CAPN11: variants seen among roughly 807,000 people sequenced by gnomAD.
CAPN11 encodes calpain-11.
CAPN11 carries 108 observed loss-of-function variants against 105.3 expected under a neutral mutation model. The ratio of observed to expected loss-of-function variants is 1.03; its 90% CI spans 0.88 to 1.20. CAPN11 has a LOEUF of 1.20. CAPN11 is among the 50% of genes most tolerant of loss of function. CAPN11 has a pLI of 0.00. For missense variants in CAPN11, 883 were observed against 924.8 expected (o/e 0.95, Z 0.59); for synonymous variants, 329 against 344.5 (o/e 0.96, Z 0.50).
In CAPN11 at chr6:44,169,489, C is replaced by A. The variant is rs1383437683; in HGVS notation, c.297C>A (p.Pro99=). 8 of 1,604,238 alleles carry A rather than the reference C, an allele frequency of 5.0e-6. No homozygotes were observed. Among genetic ancestry groups the A allele is most frequent in the Non-Finnish European group, 6.8e-6 (8 of 1,175,764 alleles). Residue 99 remains proline (P), a synonymous_variant, in exon 3 of 23, where the codon CCC becomes CCA. Transcript: ENST00000398776. ...PSSLGFKDLG[P]NSKNVQNISW... is the part of the protein sequence containing the mutation. Reference sequence around the variant, plus strand: ...CACTGGGCTTCAAGGACCTGGGCCCCAACTCCAAAAATGTGCAGAACATCT... The same window carrying A: ...CACTGGGCTTCAAGGACCTGGGCCCAAACTCCAAAAATGTGCAGAACATCT...
rs757937446 is a variant in CAPN11, at chr6:44,172,344, G to T, written c.452G>T (p.Cys151Phe). The T allele has an allele frequency of 1.3e-6, 2 of 1,560,866 alleles. No individual in the cohort carries two copies. Among genetic ancestry groups the T allele is most frequent in the Non-Finnish European group, 1.7e-6 (2 of 1,152,886 alleles). Residue 151 changes from cysteine (C) to phenylalanine (F), a missense_variant, in exon 5 of 23, where the codon TGC (cysteine) becomes TTC (phenylalanine). Physicochemically the swap from Cys to Phe is radical, Grantham distance 205. Transcript: ENST00000398776. ...LLAAIGSLTT[C>F]PKLLYRVVPR... ...GCTGCCATCGGCTCCCTTACCACCT[G>T]CCCCAAACTGCTATACCGCGTGGTG...
intron 19 of CAPN11, 60 bp from the exon 20 acceptor site, chr6:44,182,881 T>G: frequency 7.7e-7 from 1 of 1,303,150 alleles, no homozygotes; most frequent in South Asian, 1.2e-5. Flanking sequence ...GCCTCAGTAT[T>G]TCATTATTTC....
chr6:44,181,074 G>A, intron 18 of CAPN11, 77 bp downstream of exon 18: 1 of 1,352,888 alleles, frequency 7.4e-7, no homozygotes, highest in Non-Finnish European at 1.1e-6. Flanking sequence ...CCCTGGGCCA[G>A]CCACGTCCTC....
chr6:44,172,322 G>C lies in CAPN11; in HGVS notation c.430G>C (p.Ala144Pro). 1.3e-6 allele frequency: 2 copies of C among 1,556,672 alleles called. No homozygotes were observed. Among genetic ancestry groups the C allele is most frequent in the Non-Finnish European group, 1.7e-6 (2 of 1,150,332 alleles). ...GILGDCWLLA[A>P]IGSLTTCPKL... is the part of the protein sequence containing the mutation. ...TCCAGGGGACTGCTGGCTGCTGGCT[G>C]CCATCGGCTCCCTTACCACCTGCCC... Residue 144 changes from alanine (A) to proline (P), a missense_variant, in exon 5 of 23, where the codon GCC becomes CCC. Physicochemically the swap from Ala to Pro is conservative, Grantham distance 27. Transcript: ENST00000398776.
At position 44,180,605 on chromosome 6, in the gene CAPN11, C is replaced by T. The variant is rs1212849234; in HGVS notation, c.1689C>T (p.Val563=). 6.2e-7 allele frequency: 1 copy of T among 1,613,756 alleles called. No individual in the cohort carries two copies. Among genetic ancestry groups the T allele is most frequent in the Non-Finnish European group, 8.5e-7 (1 of 1,179,838 alleles). The change falls in exon 16 of 23, where the codon GTC becomes GTT. Residue 563 remains valine, a synonymous_variant. Coordinates refer to ENST00000398776, the MANE Select transcript of CAPN11 (RefSeq NM_007058.4). ...NYAEQLQEEK[V]SEDDMDQDFL... ...TGCTCCCCGGCCCCCAGGAAAAGGT[C>T]TCTGAGGATGACATGGACCAGGACT... is the stretch of plus-strand genomic sequence containing the variant.
chr6:44,167,088 T>TA (rs1173500887), intron 2 of CAPN11, among the ~76,000 whole-genome samples: 1 of 152,028 alleles, frequency 6.6e-6, no homozygotes, highest in Non-Finnish European at 1.5e-5. Context: ...ACTCGACTCT[T>TA]ACCCTGACAC....
At position 44,181,463 on chromosome 6, in the gene CAPN11, A is replaced by ACCCAACCACAC. The variant is rs1773218046; in HGVS notation, c.1938+144_1938+145insCCAACCACACC. On this transcript the variant is annotated intron_variant, in intron 19 of 22. Coordinates refer to ENST00000398776, the MANE Select transcript of CAPN11 (RefSeq NM_007058.4). ...CCACACCACACTCACACACACACACACACACTCACATACAGACACAACCAC... is the reference window on the plus strand; with the variant it reads ...CCACACCACACTCACACACACACACACCCAACCACACCACACTCACATACAGACACAACCAC... 7.9e-5 allele frequency: 42 copies of ACCCAACCACAC among 529,790 alleles called. 1 individual carries two copies. Among genetic ancestry groups the ACCCAACCACAC allele is most frequent in the African/African-American group, 2.3e-4 (10 of 42,738 alleles). 32.8% of individuals were successfully genotyped at this position (529,790 alleles called of 1,614,324 possible). A position where few individuals can be genotyped will look rare whatever the true frequency, so the allele number is the denominator to read the frequency against.
intron 9 of CAPN11, 47 bp from the exon 10 acceptor site, chr6:44,176,534 C>A: frequency 1.9e-6 from 3 of 1,549,434 alleles, no homozygotes; most frequent in Non-Finnish European, 2.7e-6. Flanking sequence ...GAAGGAGGTG[C>A]CACATGACCT....
rs57009949 is a variant in CAPN11 at position 44,162,368 on chromosome 6, G to GACACACACAC, written c.16+3537_16+3546dup. On this transcript the variant is annotated intron_variant, in intron 1 of 22. Transcript: ENST00000398776. ...CCCCCTCACAGTCTCTTTGAATAAA[G>GACACACACAC]ACACACACACACACACACACACACA... 1.2e-3 allele frequency among the ~76,000 whole-genome samples: 163 copies of GACACACACAC among 138,750 alleles called. 2 individuals carry two copies. The highest frequency in any genetic ancestry group is 1.5e-3 in the Non-Finnish European group (95 of 64,244). 91.0% of individuals were successfully genotyped at this position (138,750 alleles called of 152,430 possible).
intron 1 of CAPN11, among the ~76,000 whole-genome samples, chr6:44,166,448 G>A (rs1043015607): frequency 9.2e-5 from 14 of 152,140 alleles, no homozygotes; most frequent in Admixed American, 2.6e-4. Context: ...TAGGGCTGGC[G>A]TGCCTGGCAC....
intron 2 of CAPN11, among the ~76,000 whole-genome samples, chr6:44,167,920 A>AC (rs1275868969): frequency 6.6e-6 from 1 of 151,538 alleles, no homozygotes; most frequent in African/African-American, 2.4e-5. Context: ...TGTTTTGAAA[A>AC]AAAAAACAAA....
intron 4 of CAPN11, among the ~76,000 whole-genome samples, chr6:44,171,036 T>G (rs1186424314): frequency 1.3e-5 from 2 of 152,158 alleles, no homozygotes; most frequent in African/African-American, 4.8e-5. Context: ...GTGGCCGCTG[T>G]GGCTCAGTAG....
chr6:44,183,902 A>G lies in CAPN11; in HGVS notation c.2194-4A>G. Reference sequence around the variant, plus strand: ...ACCCTGGGATCTGCTTCCTGTCTCCACAGTGGCTGCAGATGACCATGTGGG... The same window carrying G: ...ACCCTGGGATCTGCTTCCTGTCTCCGCAGTGGCTGCAGATGACCATGTGGG... On this transcript the variant is annotated splice_polypyrimidine_tract_variant and splice_region_variant and intron_variant, in intron 22 of 22. Transcript: ENST00000398776. 1.3e-6 allele frequency: 2 copies of G among 1,557,380 alleles called. No individual in the cohort carries two copies. The highest frequency in any genetic ancestry group is 1.7e-6 in the Non-Finnish European group (2 of 1,151,012).
intron 2 of CAPN11, among the ~76,000 whole-genome samples, chr6:44,167,682 G>A (rs1424325544): frequency 3.3e-5 from 5 of 152,102 alleles, no homozygotes; most frequent in African/African-American, 1.2e-4. Context: ...GGCCAAGACT[G>A]GAGGACTGCT....
intron 19 of CAPN11, among the ~76,000 whole-genome samples, chr6:44,181,579 CATA>C (rs1773417242): frequency 2.4e-5 from 1 of 42,134 alleles, no homozygotes; most frequent in Non-Finnish European, 5.0e-5. Context: ...CCACACCACA[CATA>C]CACACTCACA....
chr6:44,166,323 G>A (rs1769835990), intron 1 of CAPN11, among the ~76,000 whole-genome samples: 1 of 152,146 alleles, frequency 6.6e-6, no homozygotes, highest in African/African-American at 2.4e-5. Flanking sequence ...TCCAGGGTCT[G>A]CAGTACGGAT....
intron 7 of CAPN11, among the ~76,000 whole-genome samples, chr6:44,175,845 A>G (rs905124148): frequency 3.8e-4 from 58 of 152,166 alleles, no homozygotes; most frequent in African/African-American, 1.3e-3. Context: ...GTTTTGCCAG[A>G]TGTTACCACT....
intron 1 of CAPN11, among the ~76,000 whole-genome samples, chr6:44,162,248 T>C (rs1768979128): frequency 6.6e-6 from 1 of 151,924 alleles, no homozygotes; most frequent in Non-Finnish European, 1.5e-5. Context: ...AAACAGAAGG[T>C]GTTCAGCTCT....
At chr6:44,177,472 A>T in intron 12 of CAPN11, 52 bp downstream of exon 12, 3 of 1,336,636 alleles carry the variant, frequency 2.2e-6, no homozygotes, top group Admixed American at 2.2e-5. Flanking sequence ...ACCTGACCTC[A>T]CTCCTTTCTT....
Sources: gnomAD v4.1 joint callset for allele counts (sites outside exome capture counted in the v4.1 genomes callset) on GRCh38, gnomAD v4.1.1 for gene constraint, MANE v1.5 for transcripts, NCBI Gene and HGNC (gene_info 2026-07-23, HGNC 2026-07-21) for gene names.